GNAI1: variants seen among roughly 807,000 people sequenced by gnomAD.
GNAI1 encodes the protein guanine nucleotide-binding protein G(i) subunit alpha-1.
Under a neutral mutation model 38.9 loss-of-function variants are expected in GNAI1, and 11 were observed. The ratio of observed to expected loss-of-function variants is 0.28; its 90% CI spans 0.18 to 0.47. The LOEUF (loss-of-function observed/expected upper bound fraction) is 0.47, where lower values mean the gene tolerates loss of function less well. GNAI1 is among the 20% of genes least tolerant of loss of function. The probability of loss-of-function intolerance (pLI) is 0.99; values close to 1 mark genes in which losing one functional copy is unlikely to be tolerated. For missense variants in GNAI1, 317 were observed against 436.9 expected (o/e 0.73, Z 2.45); for synonymous variants, 166 against 145.1 (o/e 1.14, Z -1.04).
chr7:80,143,949 CAT>C (rs138918047), intron 1 of GNAI1, among the ~76,000 whole-genome samples: 1,997 of 150,252 alleles, frequency 0.013, 26 homozygotes, highest in East Asian at 0.067. Context: ...TATATGTGTG[CAT>C]ATATGTGTGT....
chr7:80,221,215 A>G lies in GNAI1; in HGVS notation c.*3722A>G, dbSNP rs915094327. Among the ~76,000 whole-genome samples the G allele has an allele frequency of 6.6e-6, 1 of 152,146 alleles. No homozygotes were observed. Among genetic ancestry groups the G allele is most frequent in the Non-Finnish European group, 1.5e-5 (1 of 68,022 alleles). ...CTGGGAAAATCTGGGCAAATAATTT[A>G]GTTTTGCTCTGCCTCCATTTATATC... is the stretch of plus-strand genomic sequence containing the variant. On this transcript the variant is annotated 3_prime_UTR_variant, in exon 8 of 8. Coordinates refer to ENST00000649796, the MANE Select transcript of GNAI1 (RefSeq NM_002069.6).
chr7:80,159,902 GATAT>G (rs764747345), intron 1 of GNAI1, among the ~76,000 whole-genome samples: 1 of 80,298 alleles, frequency 1.2e-5, no homozygotes, highest in Non-Finnish European at 2.4e-5. Context: ...GAGGATTAGA[GATAT>G]ATGTTAAGTG....
chr7:80,153,542 A>G (rs1203958806), intron 1 of GNAI1, among the ~76,000 whole-genome samples: 3 of 152,210 alleles, frequency 2.0e-5, no homozygotes, highest in African/African-American at 7.2e-5. Context: ...TGGCCGAGGT[A>G]GGATGCTTAT....
At chr7:80,155,598 G>C (rs2116112569) in intron 1 of GNAI1, among the ~76,000 whole-genome samples, 1 of 152,200 alleles carries the variant, frequency 6.6e-6, no homozygotes, top group Non-Finnish European at 1.5e-5. Context: ...TAGTCATTAA[G>C]GTGTCAAAGT....
chr7:80,177,788 C>T (rs117769610), intron 1 of GNAI1, among the ~76,000 whole-genome samples: 201 of 152,254 alleles, frequency 1.3e-3, no homozygotes, highest in Non-Finnish European at 2.4e-3. Context: ...GTTGTTTTTA[C>T]GCCTTCTAAC....
chr7:80,217,198 C>CTGTATCAAACTGACTTCAGTTTCATA (rs1554353763), intron 7 of GNAI1, 105 bp from the exon 8 acceptor site: 88,068 of 478,696 alleles, frequency 0.18, 9,400 homozygotes, highest in Middle Eastern at 0.24. Context: ...ATGAATGAAA[C>CTGTATCAAACTGACTTCAGTTTCATA]TGTATGAAAC....
chr7:80,196,633 A>C (rs946211024), intron 3 of GNAI1, among the ~76,000 whole-genome samples: 1 of 151,960 alleles, frequency 6.6e-6, no homozygotes, highest in Non-Finnish European at 1.5e-5. Flanking sequence ...TAAGTTGCTT[A>C]ACCTCTTTGT....
At chr7:80,208,411 A>G (rs1788815013) in intron 5 of GNAI1, among the ~76,000 whole-genome samples, 1 of 152,150 alleles carries the variant, frequency 6.6e-6, no homozygotes, top group African/African-American at 2.4e-5. Context: ...TGTTTCTTCT[A>G]GTTATCTTCA....
intron 3 of GNAI1, among the ~76,000 whole-genome samples, chr7:80,191,683 C>T (rs1469366250): frequency 2.0e-5 from 3 of 152,116 alleles, no homozygotes; most frequent in Non-Finnish European, 2.9e-5. Flanking sequence ...TGAGCCACCA[C>T]GCCAAGCCAC....
intron 1 of GNAI1, among the ~76,000 whole-genome samples, chr7:80,161,660 G>GC (rs1335770925): frequency 6.6e-6 from 1 of 152,126 alleles, no homozygotes; most frequent in East Asian, 1.9e-4. Context: ...ATGTGTGTTA[G>GC]CCTGTAATGT....
chr7:80,215,640 G>T (rs1005586519), intron 7 of GNAI1, among the ~76,000 whole-genome samples: 29 of 152,256 alleles, frequency 1.9e-4, no homozygotes, highest in African/African-American at 6.7e-4. Flanking sequence ...GGCTTGTGGG[G>T]TATGATATTT....
intron 1 of GNAI1, among the ~76,000 whole-genome samples, chr7:80,137,043 G>T (rs1262268637): frequency 6.6e-6 from 1 of 152,030 alleles, no homozygotes; most frequent in South Asian, 2.1e-4. Flanking sequence ...CCGCTCATTG[G>T]ATGCTAGTAG....
At chr7:80,193,517 G>T (rs988444875) in intron 3 of GNAI1, among the ~76,000 whole-genome samples, 2 of 152,190 alleles carry the variant, frequency 1.3e-5, no homozygotes, top group African/African-American at 2.4e-5. Context: ...CCATCTGCGA[G>T]TGATAATATA....
At chr7:80,187,985 C>T (rs540342900) in intron 1 of GNAI1, among the ~76,000 whole-genome samples, 36 of 152,288 alleles carry the variant, frequency 2.4e-4, no homozygotes, top group African/African-American at 8.7e-4. Context: ...GAACTCAAAT[C>T]TTGAGGAGAG....
At chr7:80,198,132 A>G (rs1474355485) in intron 3 of GNAI1, among the ~76,000 whole-genome samples, 2 of 151,652 alleles carry the variant, frequency 1.3e-5, no homozygotes, top group Non-Finnish European at 1.5e-5. Flanking sequence ...TAGGTTATCC[A>G]GTATGGTAGC....
intron 1 of GNAI1, among the ~76,000 whole-genome samples, chr7:80,149,403 T>C (rs1217019568): frequency 6.6e-6 from 1 of 152,146 alleles, no homozygotes; most frequent in South Asian, 2.1e-4. Flanking sequence ...TTAAAGCTTA[T>C]GATGTGTATA....
At chr7:80,173,938 T>A (rs552176553) in intron 1 of GNAI1, among the ~76,000 whole-genome samples, 1 of 152,276 alleles carries the variant, frequency 6.6e-6, no homozygotes, top group South Asian at 2.1e-4. Context: ...CCAGAGGCTC[T>A]CCTGCCCAAA....
chr7:80,157,759 T>C (rs975548415), intron 1 of GNAI1, among the ~76,000 whole-genome samples: 14 of 152,174 alleles, frequency 9.2e-5, no homozygotes, highest in African/African-American at 3.4e-4. Flanking sequence ...AAGCTGCAAA[T>C]GCAGTGGCAT....
intron 1 of GNAI1, among the ~76,000 whole-genome samples, chr7:80,179,821 T>C (rs1354548975): frequency 6.6e-6 from 1 of 152,134 alleles, no homozygotes; most frequent in East Asian, 1.9e-4. Flanking sequence ...AAGAAGTGGG[T>C]TATGTTATAG....
Sources: gnomAD v4.1 joint callset for allele counts (sites outside exome capture counted in the v4.1 genomes callset) on GRCh38, gnomAD v4.1.1 for gene constraint, MANE v1.5 for transcripts, NCBI Gene and HGNC (gene_info 2026-07-23, HGNC 2026-07-21) for gene names.